Variants in MGAT5 observed in about 807,000 individuals in gnomAD.
MGAT5 encodes alpha-1,6-mannosylglycoprotein 6-beta-N-acetylglucosaminyltransferase A.
In MGAT5, 30 loss-of-function variants were observed where a neutral mutation model predicts 94.3. That is an observed-to-expected ratio of 0.32 (90% CI 0.24 to 0.43). MGAT5 has a LOEUF of 0.43. MGAT5 is among the 20% of genes least tolerant of loss of function. The pLI, the probability that MGAT5 is intolerant of heterozygous loss-of-function variation, is 1.00. For synonymous variants in MGAT5, 310 were observed against 322.9 expected (o/e 0.96, Z 0.43); for missense variants, 691 against 905.5 (o/e 0.76, Z 3.04).
upstream of MGAT5, among the ~76,000 whole-genome samples, chr2:134,253,800 A>C (rs1244578362): frequency 6.6e-6 from 1 of 152,134 alleles, no homozygotes; most frequent in Non-Finnish European, 1.5e-5. Flanking sequence ...GTTACCCCCA[A>C]GGGGGCATCC....
chr2:134,297,036 CAAA>C (rs1558769076), intron 2 of MGAT5, among the ~76,000 whole-genome samples: 1 of 151,492 alleles, frequency 6.6e-6, no homozygotes, highest in Non-Finnish European at 1.5e-5. Flanking sequence ...CCATTATCTA[CAAA>C]AAATAAAATT....
chr2:134,368,399 C>T (rs1680569002), intron 10 of MGAT5, among the ~76,000 whole-genome samples: 1 of 152,234 alleles, frequency 6.6e-6, no homozygotes, highest in African/African-American at 2.4e-5. Context: ...TGATGTGGTC[C>T]AGCCCTCGCC....
intron 2 of MGAT5, among the ~76,000 whole-genome samples, chr2:134,280,925 G>A (rs1203363833): frequency 6.6e-6 from 1 of 152,166 alleles, no homozygotes; most frequent in Non-Finnish European, 1.5e-5. Context: ...TGCTTAATGG[G>A]CATGTAAACT....
chr2:134,256,437 A>G (rs1015312892), intron 1 of MGAT5, among the ~76,000 whole-genome samples: 24 of 152,128 alleles, frequency 1.6e-4, no homozygotes, highest in African/African-American at 5.8e-4. Context: ...TGTTTCTCTC[A>G]GTCTGTCAAA....
intron 1 of MGAT5, among the ~76,000 whole-genome samples, chr2:134,136,165 G>A (rs1388196531): frequency 6.6e-6 from 1 of 152,134 alleles, no homozygotes; most frequent in African/African-American, 2.4e-5. Context: ...TGAAATACCA[G>A]TATTCATCAC....
intron 1 of MGAT5, among the ~76,000 whole-genome samples, chr2:134,184,844 T>C (rs1312308998): frequency 6.6e-6 from 1 of 152,188 alleles, no homozygotes; most frequent in Non-Finnish European, 1.5e-5. Context: ...TGCATCTCCA[T>C]GCAAGGCTGG....
chr2:134,201,948 T>G (rs1443227890), intron 1 of MGAT5, among the ~76,000 whole-genome samples: 1 of 151,662 alleles, frequency 6.6e-6, no homozygotes, highest in African/African-American at 2.4e-5. Flanking sequence ...GGGTTTGGTA[T>G]GGTCACTAAA....
At chr2:134,252,447 G>A (rs75882195), upstream of MGAT5, among the ~76,000 whole-genome samples, 601 of 152,320 alleles carry the variant, frequency 3.9e-3, 16 homozygotes, top group East Asian at 0.082. Flanking sequence ...GTGATGGAAT[G>A]TATGGGTCTG....
intron 2 of MGAT5, among the ~76,000 whole-genome samples, chr2:134,291,087 C>G (rs1227321538): frequency 6.6e-6 from 1 of 152,190 alleles, no homozygotes; most frequent in Non-Finnish European, 1.5e-5. Flanking sequence ...CACACACACA[C>G]ACACAAAACA....
intron 2 of MGAT5, among the ~76,000 whole-genome samples, chr2:134,304,775 T>G (rs1044557752): frequency 1.3e-5 from 2 of 152,208 alleles, no homozygotes; most frequent in Non-Finnish European, 2.9e-5. Context: ...CATGTCTTGC[T>G]ATGTTGCCCA....
intron 2 of MGAT5, among the ~76,000 whole-genome samples, chr2:134,304,493 C>T (rs1056176553): frequency 6.6e-6 from 1 of 152,164 alleles, no homozygotes; most frequent in African/African-American, 2.4e-5. Context: ...AGTTGAAAAC[C>T]TTTGTGTTTC....
At chr2:134,261,773 G>C (rs1558741156) in intron 1 of MGAT5, among the ~76,000 whole-genome samples, 1 of 152,184 alleles carries the variant, frequency 6.6e-6, no homozygotes, top group Non-Finnish European at 1.5e-5. Flanking sequence ...CCAGAGCTTA[G>C]TACCTTTTGC....
chr2:134,163,586 G>A (rs1021515009), intron 1 of MGAT5, among the ~76,000 whole-genome samples: 4 of 152,232 alleles, frequency 2.6e-5, no homozygotes, highest in Non-Finnish European at 4.4e-5. Flanking sequence ...TGAGTTGGAT[G>A]CTCAGAGGAG....
intron 1 of MGAT5, among the ~76,000 whole-genome samples, chr2:134,217,947 A>G (rs12474809): frequency 0.13 from 19,380 of 152,192 alleles, 2,035 homozygotes; most frequent in East Asian, 0.35. Flanking sequence ...GAGCTGGTTC[A>G]TGTGACAGAT....
At chr2:134,273,908 C>G (rs115549449) in intron 2 of MGAT5, among the ~76,000 whole-genome samples, 1 of 152,190 alleles carries the variant, frequency 6.6e-6, no homozygotes, top group Admixed American at 6.5e-5. Context: ...TTCCACCAAT[C>G]ACACAGTAAA....
chr2:134,372,538 A>G (rs1349502681), intron 10 of MGAT5, among the ~76,000 whole-genome samples: 12 of 152,250 alleles, frequency 7.9e-5, no homozygotes, highest in Non-Finnish European at 7.3e-5. Flanking sequence ...GACATTTAGA[A>G]GAAACAGTCC....
At chr2:134,308,159 C>T (rs560461794) in intron 2 of MGAT5, among the ~76,000 whole-genome samples, 3 of 152,254 alleles carry the variant, frequency 2.0e-5, no homozygotes, top group African/African-American at 7.2e-5. Context: ...AGTAGATGCT[C>T]AGTCTGTTGG....
At chr2:134,288,778 T>A (rs936634277) in intron 2 of MGAT5, among the ~76,000 whole-genome samples, 1 of 152,156 alleles carries the variant, frequency 6.6e-6, no homozygotes, top group African/African-American at 2.4e-5. Flanking sequence ...TCCAGAAATA[T>A]TGCTGTTGTA....
intron 1 of MGAT5, among the ~76,000 whole-genome samples, chr2:134,193,190 A>C (rs111884529): frequency 6.6e-6 from 1 of 150,752 alleles, no homozygotes; most frequent in African/African-American, 2.4e-5. Context: ...TGATGCAGTC[A>C]TGACTCACTG....
Sources: allele counts gnomAD v4.1 joint callset (sites outside exome capture counted in the v4.1 genomes callset), GRCh38; gene constraint gnomAD v4.1.1; transcripts MANE v1.5; gene names NCBI Gene and HGNC (gene_info 2026-07-23, HGNC 2026-07-21).